CRHR2: variants seen among roughly 807,000 people sequenced by gnomAD.
CRHR2 encodes corticotropin releasing hormone receptor 2.
CRHR2 carries 53 observed loss-of-function variants against 57.9 expected under a neutral mutation model. The ratio of observed to expected loss-of-function variants is 0.92; its 90% CI spans 0.73 to 1.15. The LOEUF is 1.15. Ranked by LOEUF, CRHR2 falls within the 50% of genes most tolerant of loss-of-function variation. CRHR2 has a pLI of 0.00. For missense variants in CRHR2, 532 were observed against 542.6 expected (o/e 0.98, Z 0.19); for synonymous variants, 213 against 220.9 (o/e 0.96, Z 0.32).
intron 2 of CRHR2, among the ~76,000 whole-genome samples, chr7:30,687,736 G>A (rs1043418341): frequency 1.2e-4 from 18 of 152,222 alleles, no homozygotes; most frequent in African/African-American, 4.3e-4. Flanking sequence ...AGGGAGACAG[G>A]GAAGGGTCTG....
At chr7:30,674,177 C>A (rs1784445974) in intron 2 of CRHR2, among the ~76,000 whole-genome samples, 1 of 152,174 alleles carries the variant, frequency 6.6e-6, no homozygotes, top group South Asian at 2.1e-4. Context: ...GTCATAGAGG[C>A]ACTGAGCAGT....
intron 1 of CRHR2, chr7:30,698,066 C>G (rs1009526089): frequency 2.0e-5 from 3 of 152,564 alleles, no homozygotes; most frequent in African/African-American, 7.2e-5. Flanking sequence ...CTGGGCTCTC[C>G]TGGGCTGCCT....
intron 10 of CRHR2, 114 bp downstream of exon 10, chr7:30,655,466 T>A: frequency 7.7e-7 from 1 of 1,305,378 alleles, no homozygotes; most frequent in Non-Finnish European, 1.1e-6. Flanking sequence ...ACTCTGTGGA[T>A]GTAACTGAGC....
chr7:30,686,721 A>G, upstream of CRHR2: 1 of 405,734 alleles, frequency 2.5e-6, no homozygotes, highest in Non-Finnish European at 4.6e-6. Flanking sequence ...ATATTTTTCA[A>G]ATATATGTAG....
intron 2 of CRHR2, among the ~76,000 whole-genome samples, chr7:30,675,680 A>G (rs369466636): frequency 9.9e-5 from 15 of 152,152 alleles, no homozygotes; most frequent in African/African-American, 3.4e-4. Flanking sequence ...CACTTCCTCC[A>G]TGAAGTCTTC....
chr7:30,653,141 A>G lies in CRHR2; in HGVS notation c.*319T>C. Reference sequence around the variant, plus strand: ...CTATAAATAGCTGTGTGTGTTGGACAGGTCCTTCTCTGCTCTGGGCCCAGT... The same window carrying G: ...CTATAAATAGCTGTGTGTGTTGGACGGGTCCTTCTCTGCTCTGGGCCCAGT... On this transcript the variant is annotated 3_prime_UTR_variant, in exon 12 of 12. Coordinates refer to ENST00000471646, the MANE Select transcript of CRHR2 (RefSeq NM_001883.5). This position sits in a 1 kb window ranked among gnomAD's most constrained non-coding sequence, Gnocchi z 5.0. The G allele has an allele frequency of 3.3e-6, 1 of 303,836 alleles. No individual in the cohort carries two copies. Among genetic ancestry groups the G allele is most frequent in the Non-Finnish European group, 6.2e-6 (1 of 161,520 alleles). The allele number at this position is 303,836 out of a possible 1,614,324, so 18.8% of individuals were successfully genotyped here.
chr7:30,693,988 C>T (rs1326188950), intron 1 of CRHR2, among the ~76,000 whole-genome samples: 1 of 152,186 alleles, frequency 6.6e-6, no homozygotes, highest in Non-Finnish European at 1.5e-5. Context: ...AGCTCTCCAC[C>T]ATGCACACCC....
At chr7:30,679,746 A>G (rs922278264) in intron 2 of CRHR2, among the ~76,000 whole-genome samples, 1 of 152,172 alleles carries the variant, frequency 6.6e-6, no homozygotes, top group Non-Finnish European at 1.5e-5. Flanking sequence ...TCCCTCTGTC[A>G]TTCTTTTTAA....
At chr7:30,681,887 G>C in intron 2 of CRHR2, 28 bp downstream of exon 2, 1 of 1,601,274 alleles carries the variant, frequency 6.2e-7, no homozygotes, top group Non-Finnish European at 8.5e-7. Context: ...CCGGTGTAGA[G>C]CAGGCAGCGA....
chr7:30,692,415 T>C (rs1295544444), intron 1 of CRHR2, among the ~76,000 whole-genome samples: 1 of 152,104 alleles, frequency 6.6e-6, no homozygotes, highest in Non-Finnish European at 1.5e-5. Context: ...TCCATCTCCC[T>C]CACTGAGCTC....
intron 10 of CRHR2, 139 bp downstream of exon 10, chr7:30,655,441 A>C: frequency 2.1e-5 from 23 of 1,090,206 alleles, no homozygotes; most frequent in Non-Finnish European, 3.0e-5. Context: ...CAGGCTGAGC[A>C]TGTACGGGCT....
At chr7:30,667,559 A>G (rs544618365) in intron 2 of CRHR2, among the ~76,000 whole-genome samples, 1 of 152,348 alleles carries the variant, frequency 6.6e-6, no homozygotes, top group Non-Finnish European at 1.5e-5. Flanking sequence ...CATTTTGTAC[A>G]CTTTCATTTT....
chr7:30,671,845 T>C (rs1784370123), intron 2 of CRHR2, among the ~76,000 whole-genome samples: 1 of 146,726 alleles, frequency 6.8e-6, no homozygotes. Flanking sequence ...ATGATGATAA[T>C]GATGATGATG....
At chr7:30,662,894 G>A (rs1183804537) in intron 5 of CRHR2, 47 bp from the exon 6 acceptor site, 2 of 1,602,416 alleles carry the variant, frequency 1.2e-6, no homozygotes, top group African/African-American at 2.7e-5. Context: ...TGGGGCCCAG[G>A]TAGGACATAC....
At chr7:30,678,735 A>G (rs193231212) in intron 2 of CRHR2, among the ~76,000 whole-genome samples, 2 of 151,862 alleles carry the variant, frequency 1.3e-5, no homozygotes, top group East Asian at 1.9e-4. Flanking sequence ...CACATCCCCA[A>G]CTGTGCTCAG....
intron 2 of CRHR2, among the ~76,000 whole-genome samples, chr7:30,678,933 C>G (rs895258371): frequency 3.9e-5 from 6 of 152,328 alleles, no homozygotes; most frequent in Admixed American, 2.6e-4. Context: ...AATTGAGCTT[C>G]TCTGCTCACA....
At chr7:30,678,328 C>A (rs1262604601) in intron 2 of CRHR2, among the ~76,000 whole-genome samples, 4 of 152,230 alleles carry the variant, frequency 2.6e-5, no homozygotes, top group Non-Finnish European at 5.9e-5. Context: ...AATGCCATGT[C>A]TCTGTCACTC....
At chr7:30,695,694 C>T (rs1445844489) in intron 1 of CRHR2, among the ~76,000 whole-genome samples, 1 of 152,184 alleles carries the variant, frequency 6.6e-6, no homozygotes, top group African/African-American at 2.4e-5. Flanking sequence ...CACATCTCTT[C>T]TGATTTGTTT....
At chr7:30,658,356 TG>T (rs1437061192) in intron 8 of CRHR2, among the ~76,000 whole-genome samples, 1 of 152,158 alleles carries the variant, frequency 6.6e-6, no homozygotes, top group East Asian at 1.9e-4. Context: ...TGTCAGGCTC[TG>T]AGCCAGGCAT....
Sources: gnomAD v4.1 joint callset for allele counts (sites outside exome capture counted in the v4.1 genomes callset) on GRCh38, gnomAD v4.1.1 for gene constraint, Gnocchi (gnomAD v3.1) non-coding constraint, MANE v1.5 for transcripts, NCBI Gene and HGNC (gene_info 2026-07-23, HGNC 2026-07-21) for gene names.